Variants in TBC1D5 observed in about 807,000 individuals in gnomAD.
TBC1D5 encodes the protein TBC1 domain family, member 5.
A neutral mutation model predicts 100.3 loss-of-function variants in TBC1D5; 75 were observed. That is an observed-to-expected ratio of 0.75 (90% CI 0.62 to 0.91). TBC1D5 has a LOEUF of 0.91. Among genes scored for constraint, TBC1D5 ranks in the 40% least tolerant of loss-of-function variants. The probability of loss-of-function intolerance (pLI) is 0.00; values close to 1 mark genes in which losing one functional copy is unlikely to be tolerated. For synonymous variants in TBC1D5, 323 were observed against 325.6 expected, an observed-to-expected ratio of 0.99 and a Z score of 0.09; for missense variants, 910 against 942.4, an observed-to-expected ratio of 0.97 and a Z score of 0.45.
At chr3:17,733,107 G>A (rs546459137) in intron 1 of TBC1D5, among the ~76,000 whole-genome samples, 7 of 152,304 alleles carry the variant, frequency 4.6e-5, no homozygotes, top group Non-Finnish European at 8.8e-5. Context: ...TAAGAGGGCA[G>A]AATCAATGGA....
intron 10 of TBC1D5, among the ~76,000 whole-genome samples, chr3:17,376,168 A>G (rs1053702179): frequency 6.6e-6 from 1 of 152,170 alleles, no homozygotes; most frequent in Non-Finnish European, 1.5e-5. Flanking sequence ...ATAAAGTCTT[A>G]TTCAACTTGG....
intron 17 of TBC1D5, among the ~76,000 whole-genome samples, chr3:17,219,767 G>A (rs1426284428): frequency 6.6e-6 from 1 of 152,028 alleles, no homozygotes; most frequent in Non-Finnish European, 1.5e-5. Flanking sequence ...AATAGGGTAA[G>A]CTAATATGCC....
intron 1 of TBC1D5, among the ~76,000 whole-genome samples, chr3:17,695,742 G>C (rs2071955574): frequency 6.6e-6 from 1 of 152,162 alleles, no homozygotes; most frequent in South Asian, 2.1e-4. Flanking sequence ...TCTGCACCAA[G>C]CTGACCTAAG....
At chr3:17,594,304 T>G (rs2060425433) in intron 2 of TBC1D5, among the ~76,000 whole-genome samples, 1 of 152,108 alleles carries the variant, frequency 6.6e-6, no homozygotes, top group Admixed American at 6.5e-5. Flanking sequence ...CTCTTAGTAT[T>G]ACCATGCCTT....
At chr3:17,603,936 C>A (rs532462773) in intron 2 of TBC1D5, among the ~76,000 whole-genome samples, 1 of 152,106 alleles carries the variant, frequency 6.6e-6, no homozygotes, top group South Asian at 2.1e-4. Flanking sequence ...TGAGCCACCA[C>A]GCCCGGCGCT....
At chr3:17,316,394 T>C (rs564338766) in intron 13 of TBC1D5, among the ~76,000 whole-genome samples, 6 of 152,268 alleles carry the variant, frequency 3.9e-5, no homozygotes, top group Admixed American at 3.9e-4. Flanking sequence ...TTTGAGAATG[T>C]AATCAAGCGT....
chr3:17,704,460 G>C (rs2073689120), intron 1 of TBC1D5, among the ~76,000 whole-genome samples: 1 of 146,896 alleles, frequency 6.8e-6, no homozygotes, highest in African/African-American at 2.5e-5. Flanking sequence ...CGGGGTGGTG[G>C]CCGGGCAGAG....
chr3:17,604,414 CAG>C (rs2061200834), intron 2 of TBC1D5, among the ~76,000 whole-genome samples: 1 of 152,120 alleles, frequency 6.6e-6, no homozygotes, highest in Admixed American at 6.5e-5. Context: ...TATCAGAAAA[CAG>C]AGCTCAGAGG....
At chr3:17,346,271 G>GA (rs1361108268) in intron 13 of TBC1D5, among the ~76,000 whole-genome samples, 2 of 152,082 alleles carry the variant, frequency 1.3e-5, no homozygotes, top group African/African-American at 4.8e-5. Flanking sequence ...GGGGTACACT[G>GA]AATTATTTTG....
At chr3:17,697,020 T>C (rs1377990319) in intron 1 of TBC1D5, among the ~76,000 whole-genome samples, 2 of 152,222 alleles carry the variant, frequency 1.3e-5, no homozygotes, top group Admixed American at 1.3e-4. Context: ...ATTATCTTAA[T>C]AGATGCAGAA....
intron 17 of TBC1D5, among the ~76,000 whole-genome samples, chr3:17,232,678 T>A (rs1559458327): frequency 6.6e-6 from 1 of 152,114 alleles, no homozygotes; most frequent in African/African-American, 2.4e-5. Context: ...GAAAGCTTAC[T>A]CCTCTATTGC....
intron 14 of TBC1D5, 58 bp downstream of exon 14, chr3:17,307,934 A>C (rs751784744): frequency 6.1e-5 from 95 of 1,567,918 alleles, no homozygotes; most frequent in Non-Finnish European, 8.0e-5. Context: ...TAAAAGGCAA[A>C]ACATTTTTGA....
chr3:17,280,914 C>T (rs910337158), intron 15 of TBC1D5, among the ~76,000 whole-genome samples: 18 of 152,180 alleles, frequency 1.2e-4, no homozygotes, highest in African/African-American at 4.3e-4. Context: ...TGGGGGTACT[C>T]CCTGCTAGAT....
At chr3:17,659,885 T>C (rs1416722183) in intron 1 of TBC1D5, among the ~76,000 whole-genome samples, 1 of 152,150 alleles carries the variant, frequency 6.6e-6, no homozygotes, top group Non-Finnish European at 1.5e-5. Flanking sequence ...ATATAAATTA[T>C]ACAATTATAC....
chr3:17,453,395 T>C (rs201798242), intron 3 of TBC1D5, among the ~76,000 whole-genome samples: 4 of 151,520 alleles, frequency 2.6e-5, no homozygotes, highest in Non-Finnish European at 5.9e-5. Context: ...AACGATAAAA[T>C]TGACAAACCT....
At chr3:17,648,077 C>A (rs891633996) in intron 1 of TBC1D5, among the ~76,000 whole-genome samples, 18 of 152,124 alleles carry the variant, frequency 1.2e-4, no homozygotes, top group African/African-American at 3.9e-4. Flanking sequence ...TACCCAACAT[C>A]AAACTATACA....
At chr3:17,612,594 C>CGT (rs2061765683) in intron 2 of TBC1D5, among the ~76,000 whole-genome samples, 1 of 151,726 alleles carries the variant, frequency 6.6e-6, no homozygotes, top group Non-Finnish European at 1.5e-5. Flanking sequence ...CGCACCACTT[C>CGT]ACTCAAGCCT....
At chr3:17,204,297 T>C (rs2071870704) in intron 18 of TBC1D5, among the ~76,000 whole-genome samples, 1 of 152,216 alleles carries the variant, frequency 6.6e-6, no homozygotes, top group African/African-American at 2.4e-5. Context: ...CCTCTTTTCC[T>C]TCCCTGTCAT....
intron 1 of TBC1D5, among the ~76,000 whole-genome samples, chr3:17,670,497 A>T (rs1408805854): frequency 6.6e-6 from 1 of 152,202 alleles, no homozygotes; most frequent in Non-Finnish European, 1.5e-5. Flanking sequence ...AACAGTGGAA[A>T]GGGGGATCTC....
Sources: gnomAD v4.1 joint callset for allele counts (sites outside exome capture counted in the v4.1 genomes callset) on GRCh38, gnomAD v4.1.1 for gene constraint, MANE v1.5 for transcripts, NCBI Gene and HGNC (gene_info 2026-07-23, HGNC 2026-07-21) for gene names.